USP46: variants seen among roughly 807,000 people sequenced by gnomAD.
USP46 encodes the protein ubiquitin specific peptidase 46.
USP46 carries 12 observed loss-of-function variants against 44.4 expected under a neutral mutation model. That is an observed-to-expected ratio of 0.27 (90% CI 0.17 to 0.44). The LOEUF (loss-of-function observed/expected upper bound fraction) is 0.44. USP46 is among the 20% of genes least tolerant of loss of function. The pLI, the probability that USP46 is intolerant of heterozygous loss-of-function variation, is 1.00. For synonymous variants in USP46, 155 were observed against 161.5 expected (o/e 0.96, Z 0.31); for missense variants, 248 against 444.8 (o/e 0.56, Z 3.98).
intron 1 of USP46, among the ~76,000 whole-genome samples, chr4:52,649,947 A>G (rs1410615688): frequency 6.6e-6 from 1 of 152,164 alleles, no homozygotes; most frequent in African/African-American, 2.4e-5. Context: ...CAGACTACCT[A>G]TATCTACATA....
chr4:52,649,337 T>C (rs147877677), intron 1 of USP46, among the ~76,000 whole-genome samples: 1 of 152,376 alleles, frequency 6.6e-6, no homozygotes, highest in African/African-American at 2.4e-5. Flanking sequence ...GCAGGATCTC[T>C]TCTGATGCTC....
chr4:52,597,468 G>C lies in USP46; in HGVS notation c.*172C>G, dbSNP rs932071212. ...CTATGTCAGACTGAAATAAAACCAAGAGTAGTGCTGCATGTAAAAACACAA... is the reference window on the plus strand; with the variant it reads ...CTATGTCAGACTGAAATAAAACCAACAGTAGTGCTGCATGTAAAAACACAA... On this transcript the variant is annotated 3_prime_UTR_variant, in exon 9 of 9. Transcript: ENST00000441222. 10 of 575,912 alleles carry C rather than the reference G, an allele frequency of 1.7e-5. No homozygotes were observed. Among genetic ancestry groups the C allele is most frequent in the African/African-American group, 1.5e-4 (8 of 51,818 alleles). 35.7% of individuals were successfully genotyped at this position (575,912 alleles called of 1,614,324 possible).
intron 3 of USP46, 121 bp from the exon 4 acceptor site, chr4:52,626,368 G>A: frequency 1.2e-6 from 1 of 811,804 alleles, no homozygotes; most frequent in Admixed American, 2.9e-5. Flanking sequence ...GTGTCGCCAG[G>A]CTAGAGCGTA....
At chr4:52,647,642 G>T (rs1021080786) in intron 1 of USP46, among the ~76,000 whole-genome samples, 1 of 152,144 alleles carries the variant, frequency 6.6e-6, no homozygotes, top group Non-Finnish European at 1.5e-5. Context: ...CAAAAGCTTG[G>T]CCACACACCA....
chr4:52,600,566 C>T (rs891524357), intron 7 of USP46, among the ~76,000 whole-genome samples: 3 of 152,124 alleles, frequency 2.0e-5, no homozygotes, highest in African/African-American at 7.2e-5. Flanking sequence ...CCCAACCTCC[C>T]GCTGAACGTC....
intron 1 of USP46, chr4:52,655,287 G>A (rs1401542469): frequency 6.6e-6 from 1 of 152,110 alleles, no homozygotes; most frequent in East Asian, 1.9e-4. Context: ...TTGGGGACAG[G>A]GACTCACCTC....
intron 6 of USP46, among the ~76,000 whole-genome samples, chr4:52,604,250 C>A (rs187472996): frequency 2.4e-4 from 37 of 152,282 alleles, no homozygotes; most frequent in Non-Finnish European, 4.9e-4. Flanking sequence ...CAGGGCTCAA[C>A]AAATATTTGC....
intron 1 of USP46, among the ~76,000 whole-genome samples, chr4:52,641,567 G>A (rs532561606): frequency 6.6e-6 from 1 of 152,268 alleles, no homozygotes; most frequent in African/African-American, 2.4e-5. Flanking sequence ...GGATGAAGAC[G>A]GCCTTGCCCA....
chr4:52,619,712 A>C (rs1717309018), intron 4 of USP46, among the ~76,000 whole-genome samples: 1 of 152,216 alleles, frequency 6.6e-6, no homozygotes, highest in Non-Finnish European at 1.5e-5. Context: ...TAAAAATGGA[A>C]TGCAACGCCT....
intron 6 of USP46, among the ~76,000 whole-genome samples, chr4:52,603,255 T>C (rs577148987): frequency 1.3e-5 from 2 of 152,272 alleles, no homozygotes; most frequent in Admixed American, 1.3e-4. Context: ...CTTAGGCAGA[T>C]TGAGGTTATA....
At chr4:52,658,120 G>C (rs572859143) in intron 1 of USP46, 5 of 442,060 alleles carry the variant, frequency 1.1e-5, no homozygotes, top group Non-Finnish European at 1.8e-5. Context: ...GAGGGGGCTA[G>C]AGGGGAGGCG....
rs1716218522 is a variant in USP46, at chr4:52,595,898, T to C, written c.*1742A>G. On this transcript the variant is annotated 3_prime_UTR_variant, in exon 9 of 9. Transcript: ENST00000441222. ...AACTCACCTTCCAGGTAGTGATTAC[T>C]GCGTAAGTTTCATGGAGGAAAAAAA... The C allele has an allele frequency of 6.6e-6, 1 of 152,610 alleles. No individual in the cohort carries two copies. The highest frequency in any genetic ancestry group is 2.4e-5 in the African/African-American group (1 of 41,458). 9.5% of individuals were successfully genotyped at this position (152,610 alleles called of 1,614,324 possible).
intron 5 of USP46, among the ~76,000 whole-genome samples, chr4:52,607,761 C>G (rs183665320): frequency 1.3e-5 from 2 of 152,122 alleles, no homozygotes; most frequent in African/African-American, 4.8e-5. Context: ...GCCCCTCCTC[C>G]AACCCCTGGC....
At position 52,591,977 on chromosome 4, in the gene USP46, G is replaced by A. The variant is rs1716035161; in HGVS notation, c.*5663C>T. ...CGATTTATACTTTGTTTTTCAAAAT[G>A]TGTTGTCCCTGAGCTAGAAGGCAGG... On this transcript the variant is annotated 3_prime_UTR_variant, in exon 9 of 9. Transcript: ENST00000441222. 6.6e-6 allele frequency: 1 copy of A among 152,168 alleles called. No individual in the cohort carries two copies. Among genetic ancestry groups the A allele is most frequent in the South Asian group, 2.1e-4 (1 of 4,826 alleles). The allele number at this position is 152,168 out of a possible 1,614,324, so 9.4% of individuals were successfully genotyped here.
intron 4 of USP46, among the ~76,000 whole-genome samples, chr4:52,623,057 T>C (rs1225655829): frequency 6.6e-6 from 1 of 152,030 alleles, no homozygotes; most frequent in Non-Finnish European, 1.5e-5. Flanking sequence ...GAGAATCCAG[T>C]AGGAGTTACT....
chr4:52,630,687 A>G (rs1032463922), intron 2 of USP46, among the ~76,000 whole-genome samples: 5 of 151,322 alleles, frequency 3.3e-5, no homozygotes, highest in Non-Finnish European at 5.9e-5. Flanking sequence ...CAGTGAGTCA[A>G]GATTGTGCCA....
At chr4:52,611,180 C>A (rs1190087605) in intron 4 of USP46, among the ~76,000 whole-genome samples, 1 of 152,256 alleles carries the variant, frequency 6.6e-6, no homozygotes, top group Non-Finnish European at 1.5e-5. Context: ...GTGGTCATCA[C>A]ATGCAGAGCC....
chr4:52,628,314 A>G (rs1284276065), intron 2 of USP46, 151 bp from the exon 3 acceptor site: 24 of 650,164 alleles, frequency 3.7e-5, no homozygotes, highest in Non-Finnish European at 5.7e-5. Flanking sequence ...AAACTAGTTA[A>G]CTACTCTAAA....
intron 1 of USP46, among the ~76,000 whole-genome samples, chr4:52,646,904 C>T (rs185514876): frequency 5.3e-5 from 8 of 152,340 alleles, no homozygotes; most frequent in Admixed American, 3.9e-4. Flanking sequence ...AGGCTGCAGG[C>T]AGCCAGAGTC....
Sources: allele counts gnomAD v4.1 joint callset (sites outside exome capture counted in the v4.1 genomes callset), GRCh38; gene constraint gnomAD v4.1.1; transcripts MANE v1.5; gene names NCBI Gene and HGNC (gene_info 2026-07-23, HGNC 2026-07-21).